Variants in MYO16 observed in about 807,000 individuals in gnomAD.
MYO16 encodes unconventional myosin-XVI.
Under a neutral mutation model 205.3 loss-of-function variants are expected in MYO16, and 94 were observed. That is an observed-to-expected ratio of 0.46 (90% CI 0.39 to 0.54). The LOEUF (loss-of-function observed/expected upper bound fraction) is 0.54, where lower values mean the gene tolerates loss of function less well. Among genes scored for constraint, MYO16 ranks in the 20% least tolerant of loss-of-function variants. The pLI, the probability that MYO16 is intolerant of heterozygous loss-of-function variation, is 0.00. For synonymous variants in MYO16, 988 were observed against 954.0 expected (o/e 1.04, Z -0.66); for missense variants, 2,315 against 2,387.5 (o/e 0.97, Z 0.63).
In MYO16 at chr13:108,883,164, C is replaced by G. The variant is rs762038297; in HGVS notation, c.1531C>G (p.Arg511Gly). The G allele has an allele frequency of 8.7e-6, 14 of 1,613,670 alleles. No individual in the cohort carries two copies. Among genetic ancestry groups the G allele is most frequent in the Non-Finnish European group, 1.2e-5 (14 of 1,179,742 alleles). ...RAFHQLFREQ[R>G]PQCFILSGER... ...CTTTCACCAGCTCTTCCGGGAACAG[C>G]GGCCTCAGTGTTTCATCCTCAGGTG... Residue 511 changes from arginine to glycine, a missense_variant, in exon 13 of 35, where the codon CGG becomes GGG. Arg to Gly is a moderately radical substitution (Grantham distance 125). This residue lies in a region of MYO16 where 1,213 missense variants were observed against 1,274.4 expected (regional missense o/e 0.95). Transcript: ENST00000457511.
chr13:108,553,216 T>C, the MYO16 span, among the ~76,000 whole-genome samples: 1 of 151,646 alleles, frequency 6.6e-6, no homozygotes, highest in Admixed American at 6.6e-5. Flanking sequence ...TGGTCTAGAA[T>C]TCCTGACCTC....
At chr13:108,591,585 AC>A (rs1878400592), upstream of MYO16, among the ~76,000 whole-genome samples, 1 of 152,212 alleles carries the variant, frequency 6.6e-6, no homozygotes, top group Non-Finnish European at 1.5e-5. Context: ...AGGAAACATA[AC>A]AAAAATCAAT....
At chr13:109,199,929 A>AT (rs1880335401) in intron 34 of MYO16, among the ~76,000 whole-genome samples, 1 of 152,288 alleles carries the variant, frequency 6.6e-6, no homozygotes, top group Middle Eastern at 3.4e-3. Flanking sequence ...AATGCTTTGT[A>AT]TTGTTTATAT....
intron 16 of MYO16, among the ~76,000 whole-genome samples, chr13:108,928,388 G>A (rs1882103980): frequency 6.6e-6 from 1 of 152,204 alleles, no homozygotes; most frequent in Non-Finnish European, 1.5e-5. Flanking sequence ...CTACAGCAAT[G>A]TTATATAGAA....
intron 8 of MYO16, among the ~76,000 whole-genome samples, chr13:108,821,199 T>C (rs1395675324): frequency 6.7e-6 from 1 of 148,564 alleles, no homozygotes; most frequent in Non-Finnish European, 1.5e-5. Context: ...TTAAATGTAC[T>C]TTACTTTTGA....
In MYO16 at chr13:109,051,726, C is replaced by T. The variant is rs139581702; in HGVS notation, c.2873-574C>T. ...TTAAACATGAAAATATATCATTTTG[C>T]TTTTACCTTTTCAGCTTAACTGTGT... On this transcript the variant is annotated intron_variant, in intron 24 of 34. Coordinates refer to ENST00000457511, the MANE Select transcript of MYO16 (RefSeq NM_001198950.3). Among the ~76,000 whole-genome samples the T allele has an allele frequency of 3.9e-4, 59 of 152,164 alleles. No individual in the cohort carries two copies. The East Asian group carries it at 9.9e-3, about 25-fold the overall frequency.
intron 1 of MYO16, among the ~76,000 whole-genome samples, chr13:108,648,511 C>G (rs1880855980): frequency 6.6e-6 from 1 of 151,954 alleles, no homozygotes; most frequent in South Asian, 2.1e-4. Flanking sequence ...AAGCACAGCA[C>G]ATACTGAACA....
intron 12 of MYO16, among the ~76,000 whole-genome samples, chr13:108,868,715 G>T (rs1031135656): frequency 6.6e-6 from 1 of 152,004 alleles, no homozygotes; most frequent in African/African-American, 2.4e-5. Context: ...GAGGTCAGGA[G>T]TTCAAGACCA....
chr13:109,100,742 G>T, intron 27 of MYO16, 43 bp from the exon 28 acceptor site: 2 of 1,483,288 alleles, frequency 1.3e-6, no homozygotes, highest in South Asian at 1.1e-5. Context: ...TCATGTGCTT[G>T]GCAAATGCAG....
intron 21 of MYO16, among the ~76,000 whole-genome samples, chr13:108,997,801 G>A (rs1442106779): frequency 1.3e-5 from 2 of 152,142 alleles, no homozygotes; most frequent in Non-Finnish European, 1.5e-5. Context: ...TCGCACCACC[G>A]TACTCCAGCC....
At chr13:108,999,195 A>G (rs915879747) in intron 21 of MYO16, among the ~76,000 whole-genome samples, 13 of 152,226 alleles carry the variant, frequency 8.5e-5, no homozygotes, top group Non-Finnish European at 1.8e-4. Flanking sequence ...AGATATCAAT[A>G]TTGATTTGTC....
At chr13:108,762,820 A>G (rs1304748102) in intron 4 of MYO16, among the ~76,000 whole-genome samples, 1 of 152,174 alleles carries the variant, frequency 6.6e-6, no homozygotes, top group Non-Finnish European at 1.5e-5. Flanking sequence ...CTAGGTTTGG[A>G]GAAGAGCCTA....
intron 23 of MYO16, among the ~76,000 whole-genome samples, chr13:109,042,721 G>T (rs1404898069): frequency 6.6e-6 from 1 of 152,144 alleles, no homozygotes; most frequent in Non-Finnish European, 1.5e-5. Context: ...TTTTAAAGTT[G>T]GAGGGCCCTT....
chr13:108,667,967 G>A (rs947973564), intron 2 of MYO16, among the ~76,000 whole-genome samples: 4 of 151,998 alleles, frequency 2.6e-5, no homozygotes, highest in Admixed American at 2.0e-4. Flanking sequence ...TTGAGCCTGG[G>A]GATTAAGGAT....
At chr13:108,556,403 G>T in the MYO16 span, among the ~76,000 whole-genome samples, 6 of 151,642 alleles carry the variant, frequency 4.0e-5, no homozygotes, top group Non-Finnish European at 7.4e-5. Flanking sequence ...CCTTTTTTTT[G>T]TATACCCGTT....
intron 1 of MYO16, among the ~76,000 whole-genome samples, chr13:108,634,612 G>A (rs1040645668): frequency 2.0e-5 from 3 of 151,994 alleles, no homozygotes; most frequent in Non-Finnish European, 4.4e-5. Context: ...ACTGCATCCC[G>A]CTGCTTTCCT....
At chr13:109,143,669 A>G (rs1877201760) in intron 32 of MYO16, among the ~76,000 whole-genome samples, 1 of 151,510 alleles carries the variant, frequency 6.6e-6, no homozygotes, top group Non-Finnish European at 1.5e-5. Flanking sequence ...AGTGAGAATT[A>G]TAGTGAGCCC....
intron 2 of MYO16, among the ~76,000 whole-genome samples, chr13:108,671,342 G>A (rs956432519): frequency 6.6e-6 from 1 of 152,244 alleles, no homozygotes; most frequent in Middle Eastern, 3.4e-3. Flanking sequence ...ACAGCAAACT[G>A]TATACACCCT....
chr13:108,936,251 G>A lies in MYO16; in HGVS notation c.1926-21437G>A, dbSNP rs987298735. 2.6e-5 allele frequency among the ~76,000 whole-genome samples: 4 copies of A among 151,836 alleles called. No individual in the cohort carries two copies. In the East Asian group the frequency reaches 7.7e-4, roughly 29 times the overall value. ...CTGACTTTGTAGAATGAATTAGAAA[G>A]AAGTCCTTCCTCACCAATTTTTTCT... On this transcript the variant is annotated intron_variant, in intron 16 of 34. Coordinates refer to ENST00000457511, the MANE Select transcript of MYO16 (RefSeq NM_001198950.3).
Sources: allele counts gnomAD v4.1 joint callset (sites outside exome capture counted in the v4.1 genomes callset), GRCh38; gene constraint gnomAD v4.1.1; regional missense constraint gnomAD v4.1.1; transcripts MANE v1.5; gene names NCBI Gene and HGNC (gene_info 2026-07-23, HGNC 2026-07-21).